The following FHAD1 variants were observed in gnomAD, a reference collection of about 807,000 sequenced individuals.
The protein encoded by FHAD1 is forkhead-associated domain-containing protein 1.
FHAD1 carries 146 observed loss-of-function variants against 191.3 expected under a neutral mutation model. The observed-to-expected ratio is 0.76, with a 90% CI of 0.67 to 0.88. The LOEUF is 0.88. Ranked by LOEUF, FHAD1 falls within the 40% of genes least tolerant of loss-of-function variation. FHAD1 has a pLI of 0.00. For synonymous variants in FHAD1, 616 were observed against 672.3 expected, an observed-to-expected ratio of 0.92 and a Z score of 1.29; for missense variants, 1,635 against 1,785.8, an observed-to-expected ratio of 0.92 and a Z score of 1.52.
rs1658316744 is a variant in FHAD1 at position 15,276,206 on chromosome 1, G to A, written c.300+3677G>A. 6.6e-6 allele frequency among the ~76,000 whole-genome samples: 1 copy of A among 152,162 alleles called. No homozygotes were observed. Among genetic ancestry groups the A allele is most frequent in the African/African-American group, 2.4e-5 (1 of 41,434 alleles). On this transcript the variant is annotated intron_variant, in intron 3 of 33. Coordinates refer to ENST00000688493, the MANE Select transcript of FHAD1 (RefSeq NM_001391957.1). This position sits in a 1 kb window ranked among gnomAD's most constrained non-coding sequence, Gnocchi z 4.7. ...TGGAATCCTAATAGTTCCTCATGTG[G>A]GGTTACTGTAGTAGTAAACGGGTCA...
Position 15,380,702 on chromosome 1 carries a change from C to G in FHAD1, c.3707C>G (p.Pro1236Arg). 6.4e-7 allele frequency: 1 copy of G among 1,551,254 alleles called. No individual in the cohort carries two copies. Among genetic ancestry groups the G allele is most frequent in the Non-Finnish European group, 8.7e-7 (1 of 1,146,636 alleles). ...CCTTTCATTTCTTTCTGATTTCAGCCTCAGAATGGCCTTTGCAACGCAAGG... is the reference window on the plus strand; with the variant it reads ...CCTTTCATTTCTTTCTGATTTCAGCGTCAGAATGGCCTTTGCAACGCAAGG... Reference protein sequence around the residue: ...PTLSRIEILAPQNGLCNARFG... With the variant: ...PTLSRIEILARQNGLCNARFG... The change falls in exon 29 of 34, where the codon CCT becomes CGT. Residue 1236 changes from proline (P) to arginine (R), a missense_variant and splice_region_variant. Transcript: ENST00000688493.
At chr1:15,375,104 C>T (rs992631853) in intron 27 of FHAD1, among the ~76,000 whole-genome samples, 1 of 152,128 alleles carries the variant, frequency 6.6e-6, no homozygotes, top group Non-Finnish European at 1.5e-5. Context: ...GATCCACCCG[C>T]CTCAGCCTCC....
At chr1:15,259,578 TC>T (rs1650014266) in intron 2 of FHAD1, among the ~76,000 whole-genome samples, 1 of 152,146 alleles carries the variant, frequency 6.6e-6, no homozygotes, top group South Asian at 2.1e-4. Context: ...TAGTGGGAAA[TC>T]CCACAGTTTG....
At chr1:15,365,711 C>T (rs1009506097) in intron 23 of FHAD1, 116 bp from the exon 24 acceptor site, 2 of 647,812 alleles carry the variant, frequency 3.1e-6, no homozygotes, top group Admixed American at 2.6e-5. Flanking sequence ...CTGGGACTGG[C>T]GTTGCATGGA....
chr1:15,326,950 G>T, intron 11 of FHAD1, 109 bp from the exon 12 acceptor site: 4 of 649,186 alleles, frequency 6.2e-6, no homozygotes, highest in South Asian at 1.8e-5. Context: ...GGTCATTCAG[G>T]CGTGCAAACC....
downstream of FHAD1, among the ~76,000 whole-genome samples, chr1:15,399,037 G>A (rs1249157566): frequency 1.3e-5 from 2 of 152,062 alleles, no homozygotes; most frequent in African/African-American, 4.8e-5. Context: ...GGCCAGACTG[G>A]TCTAGAACTC....
chr1:15,335,558 C>G (rs755139871), intron 14 of FHAD1: 2 of 151,830 alleles, frequency 1.3e-5, no homozygotes, highest in Non-Finnish European at 2.9e-5. Context: ...GAGTATTATC[C>G]CAGCAGGGTG....
In FHAD1 at chr1:15,257,689, C is replaced by T. The variant is rs938269875; in HGVS notation, c.93+5812C>T. 9.8e-5 allele frequency among the ~76,000 whole-genome samples: 15 copies of T among 152,342 alleles called. No homozygotes were observed. The East Asian group carries it at 2.9e-3, about 29-fold the overall frequency. ...ACAGCAATGCATGGGCCTACTTTCC[C>T]TTCAGCACGTGGAGGGCTTACAAGA... On this transcript the variant is annotated intron_variant, in intron 2 of 33. Coordinates refer to ENST00000688493, the MANE Select transcript of FHAD1 (RefSeq NM_001391957.1).
chr1:15,379,928 T>C (rs1223382664), intron 28 of FHAD1, among the ~76,000 whole-genome samples: 1 of 152,218 alleles, frequency 6.6e-6, no homozygotes, highest in Non-Finnish European at 1.5e-5. Context: ...TGTCTACTTC[T>C]TTCTACACAG....
intron 33 of FHAD1, among the ~76,000 whole-genome samples, chr1:15,392,663 CTA>C (rs1202153547): frequency 4.6e-5 from 7 of 152,174 alleles, no homozygotes. Flanking sequence ...CGTGGAAAAT[CTA>C]CTCTTTCAGG....
intron 28 of FHAD1, among the ~76,000 whole-genome samples, chr1:15,376,307 G>A (rs890428630): frequency 6.6e-6 from 1 of 152,020 alleles, no homozygotes; most frequent in Non-Finnish European, 1.5e-5. Flanking sequence ...AGCCAGGATG[G>A]TCTTGATCTC....
chr1:15,313,808 G>T (rs575731732), intron 8 of FHAD1, among the ~76,000 whole-genome samples: 108 of 152,236 alleles, frequency 7.1e-4, no homozygotes, highest in African/African-American at 2.6e-3. Context: ...GGTGGCTAAT[G>T]CCTGTAATCC....
At chr1:15,387,210 ACAT>A (rs1279435242) in intron 31 of FHAD1, among the ~76,000 whole-genome samples, 4 of 152,186 alleles carry the variant, frequency 2.6e-5, no homozygotes, top group East Asian at 1.9e-4. Flanking sequence ...ACTGTTTTAT[ACAT>A]CATCATATCA....
At chr1:15,331,781 T>C (rs1318795715) in intron 14 of FHAD1, among the ~76,000 whole-genome samples, 4 of 152,022 alleles carry the variant, frequency 2.6e-5, no homozygotes, top group Admixed American at 2.6e-4. Flanking sequence ...ATTAAAGCCA[T>C]AGATATGAAT....
chr1:15,315,600 C>T (rs906289830), intron 8 of FHAD1, among the ~76,000 whole-genome samples: 2 of 151,758 alleles, frequency 1.3e-5, no homozygotes, highest in Non-Finnish European at 2.9e-5. Flanking sequence ...ATTCTCCTGC[C>T]TCAGCCTCCC....
chr1:15,308,674 C>G lies in FHAD1; in HGVS notation c.977C>G (p.Ser326Ter). 6.4e-7 allele frequency: 1 copy of G among 1,551,756 alleles called. No individual in the cohort carries two copies. The highest frequency in any genetic ancestry group is 8.7e-7 in the Non-Finnish European group (1 of 1,147,008). The change falls in exon 7 of 34, where the codon TCA becomes TGA. Residue 326 changes from serine (S) to a stop codon, truncating the protein, a stop_gained. Transcript: ENST00000688493. LOFTEE classifies it high-confidence loss of function. The stretch of plus-strand genomic sequence containing the variant: ...TGCCAGACCCTGTCAGAGCGGAACT[C>G]AGAAATCACATCCCTGAAGAATGAG... The part of the protein sequence containing the change: ...VLCQTLSERN[S>*]EITSLKNEGE...
intron 6 of FHAD1, among the ~76,000 whole-genome samples, chr1:15,305,005 C>T (rs1670007354): frequency 6.6e-6 from 1 of 152,214 alleles, no homozygotes; most frequent in Admixed American, 6.5e-5. Context: ...GCCTGCAACA[C>T]GATGAGATGA....
Position 15,301,328 on chromosome 1 carries a change from G to A in FHAD1, c.802G>A (p.Val268Met), listed in dbSNP as rs202211467. Residue 268 changes from valine (V) to methionine (M), a missense_variant, in exon 6 of 34, where the codon GTG becomes ATG. Val to Met is a conservative substitution (Grantham distance 21). Coordinates refer to ENST00000688493, the MANE Select transcript of FHAD1 (RefSeq NM_001391957.1). ...TGAAGTGGCTGAGCTGAGTCAGAAG[G>A]TGTCAGAGACCACCACCTCCAGGCA... ...QNEVAELSQK[V>M]SETTTSRQNE... 204 of 1,551,646 alleles carry A rather than the reference G, an allele frequency of 1.3e-4. No individual in the cohort carries two copies. Among genetic ancestry groups the A allele is most frequent in the Non-Finnish European group, 1.6e-4 (182 of 1,147,016 alleles).
At chr1:15,365,800 G>A in intron 23 of FHAD1, 27 bp from the exon 24 acceptor site, 3 of 1,442,594 alleles carry the variant, frequency 2.1e-6, no homozygotes, top group Non-Finnish European at 2.9e-6. Context: ...GAGTTGAACT[G>A]ACTTCACCTG....
Sources: allele counts gnomAD v4.1 joint callset (sites outside exome capture counted in the v4.1 genomes callset), GRCh38; gene constraint gnomAD v4.1.1; non-coding constraint Gnocchi (gnomAD v3.1); transcripts MANE v1.5; gene names NCBI Gene and HGNC (gene_info 2026-07-23, HGNC 2026-07-21).